Variants in NRG3 observed in about 807,000 individuals in gnomAD.
The protein encoded by NRG3 is neuregulin 3, also known as pro-neuregulin-3, membrane-bound isoform.
Under a neutral mutation model 66.9 loss-of-function variants are expected in NRG3, and 31 were observed. The observed-to-expected ratio is 0.46, with a 90% CI of 0.35 to 0.63. The LOEUF (loss-of-function observed/expected upper bound fraction) is 0.63, where lower values mean the gene tolerates loss of function less well. NRG3 is among the 20% of genes least tolerant of loss of function. The pLI is 0.00. For missense variants in NRG3, 910 were observed against 878.9 expected (o/e 1.04, Z -0.45); for synonymous variants, 393 against 359.4 (o/e 1.09, Z -1.06).
At chr10:82,894,595 C>T (rs1489449813) in intron 4 of NRG3, among the ~76,000 whole-genome samples, 1 of 152,096 alleles carries the variant, frequency 6.6e-6, no homozygotes, top group East Asian at 1.9e-4. Flanking sequence ...TCTCCACTGC[C>T]TCTCACATCT....
At chr10:81,955,049 T>A (rs1213762292) in intron 1 of NRG3, among the ~76,000 whole-genome samples, 1 of 151,226 alleles carries the variant, frequency 6.6e-6, no homozygotes, top group African/African-American at 2.4e-5. Flanking sequence ...TATGTTCTGT[T>A]ACATTATATA....
At chr10:82,514,325 A>C (rs1348860474) in intron 2 of NRG3, among the ~76,000 whole-genome samples, 1 of 151,994 alleles carries the variant, frequency 6.6e-6, no homozygotes, top group Non-Finnish European at 1.5e-5. Context: ...TTGAGTTTTA[A>C]ATGTAAGCCT....
At chr10:82,020,497 C>T (rs2062011461) in intron 1 of NRG3, among the ~76,000 whole-genome samples, 1 of 151,918 alleles carries the variant, frequency 6.6e-6, no homozygotes, top group South Asian at 2.1e-4. Context: ...TAACTTGGGC[C>T]CTGAGTAGTA....
intron 3 of NRG3, among the ~76,000 whole-genome samples, chr10:82,839,612 C>A (rs1396937090): frequency 2.6e-5 from 4 of 150,980 alleles, no homozygotes; most frequent in African/African-American, 9.7e-5. Context: ...TTTCATTTTC[C>A]AAAACTCTCT....
chr10:82,605,170 A>G (rs989724571), intron 2 of NRG3, among the ~76,000 whole-genome samples: 9 of 152,034 alleles, frequency 5.9e-5, no homozygotes, highest in East Asian at 1.9e-4. Flanking sequence ...GTTGTTAGCT[A>G]TAGGATTTTT....
intron 3 of NRG3, among the ~76,000 whole-genome samples, chr10:82,777,586 G>A (rs2059956510): frequency 6.6e-6 from 1 of 152,164 alleles, no homozygotes; most frequent in Admixed American, 6.5e-5. Context: ...AGAACAGGGA[G>A]GTAGTTGTGA....
chr10:82,804,526 A>G (rs1005546636), intron 3 of NRG3, among the ~76,000 whole-genome samples: 1 of 152,198 alleles, frequency 6.6e-6, no homozygotes, highest in African/African-American at 2.4e-5. Context: ...CCACTATAGT[A>G]AGTGCTCAAT....
intron 2 of NRG3, among the ~76,000 whole-genome samples, chr10:82,567,014 C>T (rs935805934): frequency 2.0e-5 from 3 of 151,926 alleles, no homozygotes; most frequent in African/African-American, 2.4e-5. Flanking sequence ...CTCTTCCAAG[C>T]GATACCTGAA....
At chr10:82,968,011 A>G (rs1851366149) in intron 6 of NRG3, among the ~76,000 whole-genome samples, 1 of 152,236 alleles carries the variant, frequency 6.6e-6, no homozygotes, top group Non-Finnish European at 1.5e-5. Flanking sequence ...CTTAGCCATT[A>G]TTCTCTGTAT....
At chr10:82,072,278 G>A (rs571580401) in intron 1 of NRG3, among the ~76,000 whole-genome samples, 1 of 152,318 alleles carries the variant, frequency 6.6e-6, no homozygotes, top group East Asian at 1.9e-4. Flanking sequence ...AACATGAAGT[G>A]TGATTTTAAG....
intron 1 of NRG3, among the ~76,000 whole-genome samples, chr10:82,068,992 G>A (rs898420442): frequency 6.6e-6 from 1 of 152,172 alleles, no homozygotes; most frequent in Non-Finnish European, 1.5e-5. Context: ...TTAACAGCAT[G>A]TCCACAGAAG....
At chr10:82,032,490 C>A (rs900943562) in intron 1 of NRG3, among the ~76,000 whole-genome samples, 1 of 151,896 alleles carries the variant, frequency 6.6e-6, no homozygotes, top group Non-Finnish European at 1.5e-5. Context: ...ACAGATAGAT[C>A]TTCATTCTTC....
chr10:82,747,343 C>T (rs2058686935), intron 3 of NRG3, among the ~76,000 whole-genome samples: 1 of 151,958 alleles, frequency 6.6e-6, no homozygotes, highest in African/African-American at 2.4e-5. Context: ...TGATTAACAA[C>T]CATTATGCGT....
chr10:82,390,616 T>C (rs2086295848), intron 2 of NRG3, among the ~76,000 whole-genome samples: 1 of 152,186 alleles, frequency 6.6e-6, no homozygotes, highest in South Asian at 2.1e-4. Context: ...ATAAGGTGTA[T>C]GAACCACCTA....
intron 2 of NRG3, among the ~76,000 whole-genome samples, chr10:82,499,626 A>C (rs907735675): frequency 6.6e-6 from 1 of 152,186 alleles, no homozygotes; most frequent in Admixed American, 6.5e-5. Context: ...ATAGGACAAT[A>C]GAAAAGACCT....
At chr10:82,878,893 G>C (rs1351765030) in intron 4 of NRG3, among the ~76,000 whole-genome samples, 2 of 152,116 alleles carry the variant, frequency 1.3e-5, no homozygotes, top group African/African-American at 4.8e-5. Flanking sequence ...CTGGCACCCT[G>C]ACCACTCCTA....
At position 82,094,350 on chromosome 10, in the gene NRG3, C is replaced by T. The variant is rs534688370; in HGVS notation, c.823+218187C>T. ...TAAAAAGTCAAAATATAACAGATGC[C>T]GATGAGCATGCGCAAAATAGGAACA... On this transcript the variant is annotated intron_variant, in intron 1 of 8. Transcript: ENST00000372141. Among the ~76,000 whole-genome samples the T allele has an allele frequency of 1.8e-4, 27 of 152,170 alleles. No homozygotes were observed. In the East Asian group the frequency reaches 3.1e-3, roughly 17 times the overall value.
chr10:82,068,053 G>C (rs951888149), intron 1 of NRG3, among the ~76,000 whole-genome samples: 2 of 152,216 alleles, frequency 1.3e-5, no homozygotes, highest in Admixed American at 6.5e-5. Context: ...CAACTGACAA[G>C]TGTTTCCTGC....
At chr10:82,337,441 A>C (rs2135348972) in intron 1 of NRG3, among the ~76,000 whole-genome samples, 1 of 152,300 alleles carries the variant, frequency 6.6e-6, no homozygotes, top group African/African-American at 2.4e-5. Flanking sequence ...CTTTTTGGCT[A>C]CTATGTGTAA....
Sources: allele counts gnomAD v4.1 joint callset (sites outside exome capture counted in the v4.1 genomes callset), GRCh38; gene constraint gnomAD v4.1.1; transcripts MANE v1.5; gene names NCBI Gene and HGNC (gene_info 2026-07-23, HGNC 2026-07-21).